The following SIPA1L2 variants were observed in gnomAD, a reference collection of about 807,000 sequenced individuals.
The protein encoded by SIPA1L2 is signal induced proliferation associated 1 like 2.
In SIPA1L2, 56 loss-of-function variants were observed where a neutral mutation model predicts 163.9. The observed-to-expected ratio is 0.34, with a 90% CI of 0.28 to 0.43. The LOEUF (loss-of-function observed/expected upper bound fraction) is 0.43, where lower values mean the gene tolerates loss of function less well. Ranked by LOEUF, SIPA1L2 falls within the 20% of genes least tolerant of loss-of-function variation. The pLI, the probability that SIPA1L2 is intolerant of heterozygous loss-of-function variation, is 1.00. For missense variants in SIPA1L2, 1,974 were observed against 2,193.5 expected (o/e 0.90, Z 2.00); for synonymous variants, 877 against 865.7 (o/e 1.01, Z -0.23).
At chr1:232,558,477 G>A (rs1479618650) in intron 2 of SIPA1L2, among the ~76,000 whole-genome samples, 1 of 152,196 alleles carries the variant, frequency 6.6e-6, no homozygotes, top group African/African-American at 2.4e-5. Flanking sequence ...CTTCAGGAAG[G>A]GAATATGGCA....
At chr1:232,402,518 G>A (rs1441541629) in intron 21 of SIPA1L2, 45 bp from the exon 22 acceptor site, 26 of 1,557,558 alleles carry the variant, frequency 1.7e-5, no homozygotes, top group East Asian at 4.5e-5. Flanking sequence ...AGAGTCAATC[G>A]AGCATTTTTG....
chr1:232,557,663 G>A (rs1476666205), intron 2 of SIPA1L2, among the ~76,000 whole-genome samples: 1 of 152,092 alleles, frequency 6.6e-6, no homozygotes, highest in East Asian at 1.9e-4. Flanking sequence ...GCCCTATTCC[G>A]TGTTCTGAGA....
In SIPA1L2 at chr1:232,514,154, C is replaced by T. The variant is rs780625282; in HGVS notation, c.1186G>A (p.Asp396Asn). The change falls in exon 3 of 23, where the codon GAT (aspartate) becomes AAT (asparagine). Residue 396 changes from aspartate to asparagine, a missense_variant. This residue lies in a region of SIPA1L2 where 607 missense variants were observed against 624.0 expected (regional missense o/e 0.97). Coordinates refer to ENST00000674635, the MANE Select transcript of SIPA1L2 (RefSeq NM_020808.5). ...TCGTTACTTTTCCCATCACCCTCATCGGCATCCAGGTTCTCTTTGGAGTTG... is the reference window on the plus strand; with the variant it reads ...TCGTTACTTTTCCCATCACCCTCATTGGCATCCAGGTTCTCTTTGGAGTTG... Reference protein sequence around the residue: ...DLNSKENLDADEGDGKSNDLV... With the variant: ...DLNSKENLDANEGDGKSNDLV... The T allele has an allele frequency of 4.3e-6, 7 of 1,614,248 alleles. No individual in the cohort carries two copies. Among genetic ancestry groups the T allele is most frequent in the Middle Eastern group, 1.6e-4 (1 of 6,062 alleles).
At chr1:232,481,191 T>C (rs2102972198) in intron 6 of SIPA1L2, among the ~76,000 whole-genome samples, 1 of 152,346 alleles carries the variant, frequency 6.6e-6, no homozygotes. Flanking sequence ...AAAGTAACAT[T>C]CCATTTTAAT....
At chr1:232,462,271 T>G in intron 9 of SIPA1L2, 1 of 1,550,662 alleles carries the variant, frequency 6.4e-7, no homozygotes, top group Non-Finnish European at 8.7e-7. Flanking sequence ...CACCTATCTG[T>G]GGGAATTTCA....
intron 8 of SIPA1L2, among the ~76,000 whole-genome samples, chr1:232,466,178 G>T (rs2102932810): frequency 6.6e-6 from 1 of 152,262 alleles, no homozygotes; most frequent in South Asian, 2.1e-4. Context: ...ACCAAAGTGG[G>T]TTTAGCCCAC....
At chr1:232,574,109 A>G (rs1379756403) in intron 2 of SIPA1L2, among the ~76,000 whole-genome samples, 65 bp downstream of exon 2, 2 of 152,142 alleles carry the variant, frequency 1.3e-5, no homozygotes, top group Non-Finnish European at 2.9e-5. Flanking sequence ...TTAGTGGGAC[A>G]CAAAACCCCA....
intron 1 of SIPA1L2, among the ~76,000 whole-genome samples, chr1:232,577,091 A>G (rs1424572316): frequency 6.6e-6 from 1 of 152,048 alleles, no homozygotes; most frequent in African/African-American, 2.4e-5. Context: ...TTTAAAGGAC[A>G]GGCTAATTCT....
chr1:232,432,521 G>A, intron 15 of SIPA1L2, 50 bp from the exon 16 acceptor site: 1 of 1,547,424 alleles, frequency 6.5e-7, no homozygotes, highest in Non-Finnish European at 8.9e-7. Context: ...TTTCAGCAGT[G>A]CTGGCACACG....
intron 1 of SIPA1L2, among the ~76,000 whole-genome samples, chr1:232,629,105 G>C (rs530413542): frequency 6.6e-6 from 1 of 152,166 alleles, no homozygotes; most frequent in Non-Finnish European, 1.5e-5. Flanking sequence ...TTTAACTCAA[G>C]CAGGTTAATG....
chr1:232,544,459 C>T (rs1241809080), intron 2 of SIPA1L2, among the ~76,000 whole-genome samples: 1 of 151,890 alleles, frequency 6.6e-6, no homozygotes, highest in Non-Finnish European at 1.5e-5. Flanking sequence ...ACTTGGGAGG[C>T]TGAGGCAGGA....
rs1041513979 is a variant in SIPA1L2, at chr1:232,400,755, C to A, written c.5023-1482G>T. Reference sequence around the variant, plus strand: ...TGAGATATTCCATCTGACACTCTGGCCGTTCAGCCTCTCCATCGCTTTCTC... The same window carrying A: ...TGAGATATTCCATCTGACACTCTGGACGTTCAGCCTCTCCATCGCTTTCTC... On this transcript the variant is annotated intron_variant, in intron 22 of 22. Coordinates refer to ENST00000674635, the MANE Select transcript of SIPA1L2 (RefSeq NM_020808.5). Among the ~76,000 whole-genome samples the A allele has an allele frequency of 7.9e-5, 12 of 152,264 alleles. No individual in the cohort carries two copies. In the South Asian group the frequency reaches 8.3e-4, roughly 11 times the overall value.
intron 16 of SIPA1L2, among the ~76,000 whole-genome samples, chr1:232,429,785 A>G (rs921596857): frequency 1.3e-5 from 2 of 152,196 alleles, no homozygotes; most frequent in African/African-American, 2.4e-5. Flanking sequence ...CGAAGACTGC[A>G]TCCAAGAAGC....
intron 5 of SIPA1L2, among the ~76,000 whole-genome samples, chr1:232,484,402 T>A (rs1665541371): frequency 6.6e-6 from 1 of 152,218 alleles, no homozygotes; most frequent in Admixed American, 6.5e-5. Flanking sequence ...TATTTCTTTA[T>A]CTGAATTTTA....
intron 1 of SIPA1L2, among the ~76,000 whole-genome samples, chr1:232,625,213 CGA>C (rs1195726844): frequency 6.6e-6 from 1 of 152,124 alleles, no homozygotes; most frequent in Non-Finnish European, 1.5e-5. Flanking sequence ...TAACTATAAC[CGA>C]GAGTGTGACT....
At chr1:232,472,113 A>C (rs1281581046) in intron 7 of SIPA1L2, among the ~76,000 whole-genome samples, 5 of 152,200 alleles carry the variant, frequency 3.3e-5, no homozygotes, top group Admixed American at 6.5e-5. Context: ...ATCATTTGTA[A>C]TTTTATAAAT....
chr1:232,446,486 C>T (rs1344239395), intron 10 of SIPA1L2, among the ~76,000 whole-genome samples: 1 of 152,182 alleles, frequency 6.6e-6, no homozygotes, highest in Non-Finnish European at 1.5e-5. Flanking sequence ...TGTATACATG[C>T]AGTTCATTAT....
intron 19 of SIPA1L2, among the ~76,000 whole-genome samples, chr1:232,414,915 C>G (rs539644661): frequency 3.0e-4 from 46 of 152,216 alleles, no homozygotes; most frequent in Non-Finnish European, 5.6e-4. Context: ...CCAAAAATGA[C>G]AGAAGACAGT....
intron 1 of SIPA1L2, among the ~76,000 whole-genome samples, chr1:232,588,294 G>C (rs1444454021): frequency 6.6e-6 from 1 of 152,132 alleles, no homozygotes; most frequent in African/African-American, 2.4e-5. Context: ...TATCTGGCAG[G>C]CATTTTAAAG....
Sources: gnomAD v4.1 joint callset for allele counts (sites outside exome capture counted in the v4.1 genomes callset) on GRCh38, gnomAD v4.1.1 for gene constraint, gnomAD v4.1.1 regional missense constraint, MANE v1.5 for transcripts, NCBI Gene and HGNC (gene_info 2026-07-23, HGNC 2026-07-21) for gene names.